FOXK2: variants seen among roughly 807,000 people sequenced by gnomAD.
The protein encoded by FOXK2 is forkhead box K2, also known as forkhead box protein K2.
A neutral mutation model predicts 53.3 loss-of-function variants in FOXK2; 24 were observed. The observed-to-expected ratio is 0.45, with a 90% CI of 0.33 to 0.63. FOXK2 has a LOEUF of 0.63. Ranked by LOEUF, FOXK2 falls within the 30% of genes least tolerant of loss-of-function variation. The pLI is 0.03. For synonymous variants in FOXK2, 505 were observed against 407.1 expected (o/e 1.24, Z -2.89); for missense variants, 952 against 910.5 (o/e 1.05, Z -0.59).
At chr17:82,574,456 G>A (rs1198002540) in intron 4 of FOXK2, among the ~76,000 whole-genome samples, 4 of 152,116 alleles carry the variant, frequency 2.6e-5, no homozygotes, top group Non-Finnish European at 5.9e-5. Flanking sequence ...GAGTAGCTGG[G>A]ACTACAGGCT....
intron 8 of FOXK2, among the ~76,000 whole-genome samples, chr17:82,588,935 T>C (rs926340179): frequency 2.7e-5 from 4 of 148,904 alleles, no homozygotes; most frequent in Non-Finnish European, 5.9e-5. Flanking sequence ...GGCGGGTGCC[T>C]GTAGTTGTAG....
intron 8 of FOXK2, chr17:82,600,245 G>A (rs980920954): frequency 3.3e-5 from 5 of 152,310 alleles, no homozygotes; most frequent in Non-Finnish European, 5.9e-5. Context: ...ATGGCACCTG[G>A]TAGGTGAGGG....
At chr17:82,574,241 G>A (rs2044955489) in intron 4 of FOXK2, among the ~76,000 whole-genome samples, 1 of 151,966 alleles carries the variant, frequency 6.6e-6, no homozygotes, top group South Asian at 2.1e-4. Context: ...GTCATTTCAT[G>A]CCTCGTGGCT....
At chr17:82,537,794 C>T (rs1229795356) in intron 1 of FOXK2, among the ~76,000 whole-genome samples, 1 of 151,340 alleles carries the variant, frequency 6.6e-6, no homozygotes, top group Non-Finnish European at 1.5e-5. Context: ...TGGTGGTACA[C>T]GCCTGTAATC....
chr17:82,558,441 G>A (rs1166245408), intron 1 of FOXK2, among the ~76,000 whole-genome samples: 6 of 152,244 alleles, frequency 3.9e-5, no homozygotes, highest in Admixed American at 6.5e-5. Flanking sequence ...GACGTTGTGC[G>A]TAACTCTACG....
chr17:82,601,478 G>C lies in FOXK2; in HGVS notation c.1962G>C (p.Arg654Ser). The part of the protein sequence containing the change: ...LSVDTPPAAV[R>S]EKGVQN ...TGGACACGCCACCGGCAGCCGTAAGGGAAAAGGGTGTCCAGAACTAGCGAC... is the reference window on the plus strand; with the variant it reads ...TGGACACGCCACCGGCAGCCGTAAGCGAAAAGGGTGTCCAGAACTAGCGAC... Residue 654 changes from arginine (R) to serine (S), a missense_variant, in exon 9 of 9, where the codon AGG becomes AGC. Physicochemically the swap from Arg to Ser is moderately radical, Grantham distance 110. Transcript: ENST00000335255. 1 of 1,608,494 alleles carries C rather than the reference G, an allele frequency of 6.2e-7. No individual in the cohort carries two copies. Among genetic ancestry groups the C allele is most frequent in the Non-Finnish European group, 8.5e-7 (1 of 1,176,986 alleles).
intron 1 of FOXK2, among the ~76,000 whole-genome samples, chr17:82,523,787 T>A (rs1021306955): frequency 6.6e-6 from 1 of 151,522 alleles, no homozygotes; most frequent in Non-Finnish European, 1.5e-5. Flanking sequence ...CTAAAATCTT[T>A]TTTTCTGAAT....
intron 8 of FOXK2, among the ~76,000 whole-genome samples, chr17:82,589,875 G>A (rs1245195296): frequency 2.0e-5 from 3 of 152,044 alleles, no homozygotes; most frequent in Non-Finnish European, 2.9e-5. Context: ...GTGAAACTCC[G>A]TCTCTACTAA....
intron 1 of FOXK2, among the ~76,000 whole-genome samples, chr17:82,550,533 T>C: frequency 6.7e-6 from 1 of 150,282 alleles, no homozygotes. Flanking sequence ...GATGGAGTCT[T>C]GCTCTGTCCC....
intron 5 of FOXK2, among the ~76,000 whole-genome samples, chr17:82,583,440 G>A (rs893313549): frequency 1.1e-4 from 16 of 152,192 alleles, no homozygotes; most frequent in African/African-American, 3.4e-4. Flanking sequence ...CCAGCTACTC[G>A]GGAGCCTGAG....
At chr17:82,555,885 CAAAAAAAAA>C (rs71168116) in intron 1 of FOXK2, among the ~76,000 whole-genome samples, 3 of 74,214 alleles carry the variant, frequency 4.0e-5, no homozygotes, top group African/African-American at 1.6e-4. Context: ...GACTCTATCA[CAAAAAAAAA>C]AAAAAAAAAA....
At chr17:82,526,830 CAAAA>C (rs140941748) in intron 1 of FOXK2, among the ~76,000 whole-genome samples, 3 of 121,420 alleles carry the variant, frequency 2.5e-5, no homozygotes, top group African/African-American at 3.1e-5. Flanking sequence ...GACTCCGTCT[CAAAA>C]AAAAAAAAAA....
At chr17:82,546,721 G>C (rs1430792417) in intron 1 of FOXK2, among the ~76,000 whole-genome samples, 1 of 151,916 alleles carries the variant, frequency 6.6e-6, no homozygotes, top group Admixed American at 6.6e-5. Context: ...TCCCACCTCA[G>C]ACTCCCAAGT....
intron 4 of FOXK2, chr17:82,576,659 C>T: frequency 8.6e-7 from 1 of 1,158,356 alleles, no homozygotes; most frequent in African/African-American, 1.5e-5. Flanking sequence ...ATGATTGACA[C>T]AACGAAGTCA....
At chr17:82,537,778 C>T (rs1473459660) in intron 1 of FOXK2, among the ~76,000 whole-genome samples, 7 of 151,868 alleles carry the variant, frequency 4.6e-5, no homozygotes, top group South Asian at 2.1e-4. Context: ...AAAAATTAGC[C>T]GGGCGTGGTG....
At chr17:82,549,908 G>A (rs1248340533) in intron 1 of FOXK2, among the ~76,000 whole-genome samples, 1 of 152,188 alleles carries the variant, frequency 6.6e-6, no homozygotes. Context: ...CTGTAGTTGA[G>A]AAAGCAGGAA....
Position 82,519,995 on chromosome 17 carries a change from C to T in FOXK2, c.107C>T (p.Ala36Val), listed in dbSNP as rs745853877. The change falls in exon 1 of 9, where the codon GCC (alanine) becomes GTC (valine). Residue 36 changes from alanine to valine, a missense_variant. Ala to Val is a moderately conservative substitution (Grantham distance 64). Transcript: ENST00000335255. The part of the protein sequence containing the change: ...GGGGSPPGGW[A>V]VARLEGREFE... Reference sequence around the variant, plus strand: ...GGCGGGTCCCCGCCGGGCGGCTGGGCCGTGGCGCGCCTGGAGGGCCGCGAG... The same window carrying T: ...GGCGGGTCCCCGCCGGGCGGCTGGGTCGTGGCGCGCCTGGAGGGCCGCGAG... The T allele has an allele frequency of 2.1e-6, 3 of 1,434,500 alleles. No homozygotes were observed. The highest frequency in any genetic ancestry group is 2.8e-6 in the Non-Finnish European group (3 of 1,087,096). The allele number at this position is 1,434,500 out of a possible 1,614,324, so 88.9% of individuals were successfully genotyped here.
At chr17:82,572,941 T>G (rs908531371) in intron 4 of FOXK2, among the ~76,000 whole-genome samples, 2 of 152,110 alleles carry the variant, frequency 1.3e-5, no homozygotes, top group East Asian at 3.8e-4. Flanking sequence ...CCTATAATTC[T>G]AGCACTTTGA....
At chr17:82,547,456 C>T (rs912926669) in intron 1 of FOXK2, among the ~76,000 whole-genome samples, 24 of 152,088 alleles carry the variant, frequency 1.6e-4, no homozygotes, top group African/African-American at 5.6e-4. Flanking sequence ...ATGCAGCCCA[C>T]GGGCCGTGGG....
Sources: gnomAD v4.1 joint callset for allele counts (sites outside exome capture counted in the v4.1 genomes callset) on GRCh38, gnomAD v4.1.1 for gene constraint, MANE v1.5 for transcripts, NCBI Gene and HGNC (gene_info 2026-07-23, HGNC 2026-07-21) for gene names.